Variants in KCNN2 observed in about 807,000 individuals in gnomAD.
KCNN2 encodes potassium calcium-activated channel subfamily N member 2.
A neutral mutation model predicts 55.5 loss-of-function variants in KCNN2; 24 were observed. That is an observed-to-expected ratio of 0.43 (90% CI 0.31 to 0.61). The LOEUF (loss-of-function observed/expected upper bound fraction) is 0.61, where lower values mean the gene tolerates loss of function less well. Ranked by LOEUF, KCNN2 falls within the 20% of genes least tolerant of loss-of-function variation. The probability of loss-of-function intolerance (pLI) is 0.08; values close to 1 mark genes in which losing one functional copy is unlikely to be tolerated. For missense variants in KCNN2, 754 were observed against 853.6 expected (o/e 0.88, Z 1.45); for synonymous variants, 431 against 336.1 (o/e 1.28, Z -3.09).
intron 5 of KCNN2, among the ~76,000 whole-genome samples, chr5:114,480,499 C>T (rs912687588): frequency 2.6e-5 from 4 of 152,150 alleles, no homozygotes; most frequent in Admixed American, 6.6e-5. Flanking sequence ...TGCTCCCTAA[C>T]TCATTCTATG....
At position 114,116,856 on chromosome 5, in the gene KCNN2, A is replaced by T. The variant is rs73782160; in HGVS notation, c.-271+60356A>T. On this transcript the variant is annotated intron_variant, in intron 1 of 10. Coordinates refer to the KCNN2 transcript ENST00000512097. ...ATGATTGGATATTAGGGATGAGGAT[A>T]TGTCCTTATCTTTTGCTTCCCTGGA... Among the ~76,000 whole-genome samples the T allele has an allele frequency of 7.2e-3, 1,100 of 152,212 alleles. 15 individuals are homozygous for T. Among genetic ancestry groups the T allele is most frequent in the African/African-American group, 0.025 (1,035 of 41,536 alleles).
At chr5:114,221,775 A>C (rs564404861) in intron 2 of KCNN2, among the ~76,000 whole-genome samples, 2 of 152,204 alleles carry the variant, frequency 1.3e-5, no homozygotes, top group Non-Finnish European at 2.9e-5. Flanking sequence ...AGAAAACATA[A>C]TAGGCACACA....
chr5:114,228,544 C>A (rs1215657738), intron 2 of KCNN2, among the ~76,000 whole-genome samples: 1 of 152,040 alleles, frequency 6.6e-6, no homozygotes, highest in African/African-American at 2.4e-5. Context: ...GCAGTAATAT[C>A]AGTAACTGGG....
intron 3 of KCNN2, among the ~76,000 whole-genome samples, chr5:114,454,224 G>A (rs1249867380): frequency 6.6e-6 from 1 of 152,104 alleles, no homozygotes; most frequent in Non-Finnish European, 1.5e-5. Context: ...TAGTTCAGGA[G>A]TCCTGTCCCC....
intron 1 of KCNN2, among the ~76,000 whole-genome samples, chr5:114,064,731 T>G (rs1750408421): frequency 6.6e-6 from 1 of 152,188 alleles, no homozygotes; most frequent in Non-Finnish European, 1.5e-5. Flanking sequence ...AAAGGGGGCA[T>G]TTTGAAAGTT....
At chr5:114,134,694 C>A (rs1464716598) in intron 1 of KCNN2, among the ~76,000 whole-genome samples, 7 of 151,968 alleles carry the variant, frequency 4.6e-5, no homozygotes, top group Admixed American at 3.3e-4. Context: ...CCAGGCTGGT[C>A]TTCAACTCCT....
intron 1 of KCNN2, among the ~76,000 whole-genome samples, chr5:114,206,644 C>T (rs1021592824): frequency 3.3e-5 from 5 of 152,136 alleles, no homozygotes; most frequent in Non-Finnish European, 5.9e-5. Context: ...GGTGGTGTCA[C>T]CTTTACTGGT....
At chr5:114,129,798 T>G (rs1752034577) in intron 1 of KCNN2, among the ~76,000 whole-genome samples, 1 of 152,236 alleles carries the variant, frequency 6.6e-6, no homozygotes, top group African/African-American at 2.4e-5. Flanking sequence ...GTTGGCTCAG[T>G]GGCATGAAGA....
intron 3 of KCNN2, among the ~76,000 whole-genome samples, chr5:114,449,575 A>G (rs150124771): frequency 2.0e-5 from 3 of 152,214 alleles, no homozygotes; most frequent in Admixed American, 1.3e-4. Flanking sequence ...AGACATTAGG[A>G]TGCACTGCTG....
At chr5:114,242,911 G>A (rs980694227) in intron 2 of KCNN2, among the ~76,000 whole-genome samples, 1 of 152,098 alleles carries the variant, frequency 6.6e-6, no homozygotes, top group African/African-American at 2.4e-5. Flanking sequence ...AACATGCCTT[G>A]TTTGGGACTC....
chr5:114,081,272 G>A (rs1033584056), intron 1 of KCNN2, among the ~76,000 whole-genome samples: 1 of 152,022 alleles, frequency 6.6e-6, no homozygotes, highest in Non-Finnish European at 1.5e-5. Flanking sequence ...GATGTGTTTT[G>A]CAGAAACAGA....
intron 2 of KCNN2, among the ~76,000 whole-genome samples, chr5:114,377,887 T>A (rs560908863): frequency 3.3e-5 from 5 of 152,280 alleles, no homozygotes; most frequent in South Asian, 2.1e-4. Context: ...GCTCAATAAG[T>A]CTTAACTTCT....
chr5:114,161,352 A>G (rs543885044), intron 1 of KCNN2, among the ~76,000 whole-genome samples: 1 of 141,068 alleles, frequency 7.1e-6, no homozygotes, highest in Admixed American at 7.4e-5. Context: ...TGGCTTGTAG[A>G]GTTTCTGCCA....
At chr5:114,067,106 T>C (rs1750468212) in intron 1 of KCNN2, among the ~76,000 whole-genome samples, 1 of 152,158 alleles carries the variant, frequency 6.6e-6, no homozygotes, top group African/African-American at 2.4e-5. Flanking sequence ...ATGTGCTAAA[T>C]GAAGATGGAT....
chr5:114,378,458 T>C (rs1448475329), intron 2 of KCNN2, among the ~76,000 whole-genome samples: 1 of 152,182 alleles, frequency 6.6e-6, no homozygotes, highest in Admixed American at 6.5e-5. Context: ...AAGGAAAGTG[T>C]GTGGTGGGCA....
At chr5:114,101,482 C>G (rs967352629) in intron 1 of KCNN2, among the ~76,000 whole-genome samples, 1 of 149,720 alleles carries the variant, frequency 6.7e-6, no homozygotes, top group African/African-American at 2.5e-5. Flanking sequence ...ATGTGCAGAA[C>G]GTGCAGGTTT....
Position 114,062,813 on chromosome 5 carries a change from T to TA in KCNN2, c.-271+6320dup, listed in dbSNP as rs542904991. 8.3e-3 allele frequency among the ~76,000 whole-genome samples: 1,260 copies of TA among 152,272 alleles called. 6 individuals carry two copies. Among genetic ancestry groups the TA allele is most frequent in the Middle Eastern group, 0.041 (12 of 294 alleles). On this transcript the variant is annotated intron_variant, in intron 1 of 10. Transcript: ENST00000512097. Reference sequence around the variant, plus strand: ...CATTGAATATAAACAGGTAAGTCCTTAAAAAAACCCTGTTTTTCTTTTAAG... The same window carrying TA: ...CATTGAATATAAACAGGTAAGTCCTTAAAAAAAACCCTGTTTTTCTTTTAAG...
At chr5:114,264,375 A>G (rs1755167896) in intron 2 of KCNN2, among the ~76,000 whole-genome samples, 1 of 152,202 alleles carries the variant, frequency 6.6e-6, no homozygotes, top group Non-Finnish European at 1.5e-5. Context: ...ACAAGTGGAA[A>G]AATCAGGTAA....
chr5:114,217,287 A>G (rs368509928), intron 1 of KCNN2, among the ~76,000 whole-genome samples: 1 of 152,134 alleles, frequency 6.6e-6, no homozygotes, highest in East Asian at 1.9e-4. Flanking sequence ...AAGACCCACA[A>G]CAGCCAACAC....
Sources: allele counts gnomAD v4.1 joint callset (sites outside exome capture counted in the v4.1 genomes callset), GRCh38; gene constraint gnomAD v4.1.1; transcripts MANE v1.5; gene names NCBI Gene and HGNC (gene_info 2026-07-23, HGNC 2026-07-21).